HP: variants seen among roughly 807,000 people sequenced by gnomAD.
The protein encoded by HP is haptoglobin, also known as haptoglobin alpha(1S)-beta.
Under a neutral mutation model 23.2 loss-of-function variants are expected in HP, and 9 were observed. The ratio of observed to expected loss-of-function variants is 0.39; its 90% CI spans 0.23 to 0.68. The LOEUF (loss-of-function observed/expected upper bound fraction) is 0.68. HP is among the 30% of genes least tolerant of loss of function. HP has a pLI of 0.47. For missense variants in HP, 433 were observed against 483.6 expected, an observed-to-expected ratio of 0.90 and a Z score of 0.98; for synonymous variants, 155 against 183.3, an observed-to-expected ratio of 0.85 and a Z score of 1.25.
chr16:72,057,629 G>C, intron 4 of HP, 163 bp downstream of exon 4: 1 of 766,798 alleles, frequency 1.3e-6, no homozygotes, highest in Non-Finnish European at 2.0e-6. Flanking sequence ...GCAGTTAGGT[G>C]ATGACTCCCT....
chr16:72,054,815 T>C, intron 1 of HP, 158 bp downstream of exon 1: 1 of 785,766 alleles, frequency 1.3e-6, no homozygotes, highest in Non-Finnish European at 2.1e-6. Context: ...TCTCCTTTTC[T>C]GCATCCATAG....
At position 72,056,610 on chromosome 16, in the gene HP, A is replaced by C. The variant is rs2041467239; in HGVS notation, c.169A>C (p.Lys57Gln). Residue 57 changes from lysine to glutamine, a missense_variant, in exon 3 of 7, where the codon AAA becomes CAA. Physicochemically the swap from Lys to Gln is moderately conservative, Grantham distance 53. Around this residue, in one of 3 missense-constraint regions of HP, gnomAD observed 36 missense variants for 71.3 expected, o/e 0.50. Coordinates refer to ENST00000355906, the MANE Select transcript of HP (RefSeq NM_005143.5). Reference sequence around the variant, plus strand: ...TCGCTACCAGTGTAAGAACTACTACAAACTGCGCACAGAAGGAGATGGTAA... The same window carrying C: ...TCGCTACCAGTGTAAGAACTACTACCAACTGCGCACAGAAGGAGATGGTAA... Reference protein sequence around the residue: ...SVRYQCKNYYKLRTEGDGVYT... With the variant: ...SVRYQCKNYYQLRTEGDGVYT... 1 of 1,250,382 alleles carries C rather than the reference A, an allele frequency of 8.0e-7. No individual in the cohort carries two copies. Among genetic ancestry groups the C allele is most frequent in the African/African-American group, 1.7e-5 (1 of 57,180 alleles). 77.5% of individuals were successfully genotyped at this position (1,250,382 alleles called of 1,614,324 possible). A position where few individuals can be genotyped will look rare whatever the true frequency, so the allele number is the denominator to read the frequency against.
In HP at chr16:72,054,542, G is replaced by T. The variant is rs2041427765; in HGVS notation, c.-111G>T. The stretch of plus-strand genomic sequence containing the variant: ...AGTGACCTTACCAGGGCCAAAGTTT[G>T]TAGACACAGGAATTACGAAATGGAG... On this transcript the variant is annotated 5_prime_UTR_variant, in exon 1 of 7. Transcript: ENST00000355906. 6.3e-7 allele frequency: 1 copy of T among 1,575,646 alleles called. No homozygotes were observed. The highest frequency in any genetic ancestry group is 1.9e-5 in the Admixed American group (1 of 53,992).
Position 72,060,708 on chromosome 16 carries a change from C to T in HP, c.1039C>T (p.Gln347Ter). 1 of 1,614,142 alleles carries T rather than the reference C, an allele frequency of 6.2e-7. No individual in the cohort carries two copies. Among genetic ancestry groups the T allele is most frequent in the South Asian group, 1.1e-5 (1 of 91,078 alleles). The change falls in exon 7 of 7, where the codon CAA becomes TAA. Residue 347 changes from glutamine to a stop codon, truncating the protein, a stop_gained. Coordinates refer to ENST00000355906, the MANE Select transcript of HP (RefSeq NM_005143.5). LOFTEE classifies it high-confidence loss of function. ...HTFCAGMSKY[Q>*]EDTCYGDAGS... ...CTTCTGTGCTGGCATGTCTAAGTAC[C>T]AAGAAGACACCTGCTATGGCGATGC...
rs2041484586 is a variant in HP at position 72,058,078 on chromosome 16, G to C, written c.266-176G>C. ...CCCCTAGCCCTTTCAATGAATTTCA[G>C]GGAATTGTGGAAATTCCTTTATTGG... On this transcript the variant is annotated intron_variant, in intron 4 of 6. Transcript: ENST00000355906. 2.4e-6 allele frequency: 2 copies of C among 830,964 alleles called. 1 individual carries two copies. The highest frequency in any genetic ancestry group is 3.6e-6 in the Non-Finnish European group (2 of 556,350). The allele number at this position is 830,964 out of a possible 1,614,324, so 51.5% of individuals were successfully genotyped here.
chr16:72,060,621 G>A lies in HP; in HGVS notation c.952G>A (p.Val318Ile). The A allele has an allele frequency of 6.2e-7, 1 of 1,614,188 alleles. No homozygotes were observed. Among genetic ancestry groups the A allele is most frequent in the Admixed American group, 1.7e-5 (1 of 60,032 alleles). Residue 318 changes from valine to isoleucine, a missense_variant, in exon 7 of 7, where the codon GTC (valine) becomes ATC (isoleucine). By Grantham distance (29) the Val-to-Ile change is conservative. Transcript: ENST00000355906. ...QCIRHYEGST[V>I]PEKKTPKSPV... ...CATAAGGCATTATGAAGGCAGCACA[G>A]TCCCCGAAAAGAAGACACCGAAGAG...
rs1255427885 is a variant in HP at position 72,060,428 on chromosome 16, A to T, written c.759A>T (p.Lys253Asn). Residue 253 changes from lysine (K) to asparagine (N), a missense_variant, in exon 7 of 7, where the codon AAA becomes AAT. This residue lies in a region of HP where 326 missense variants were observed against 358.1 expected (regional missense o/e 0.91). Transcript: ENST00000355906. ...SQVDIGLIKL[K>N]QKVSVNERVM... ...TAGATATTGGGCTCATCAAACTCAAACAGAAGGTGTCTGTTAATGAGAGAG... is the reference window on the plus strand; with the variant it reads ...TAGATATTGGGCTCATCAAACTCAATCAGAAGGTGTCTGTTAATGAGAGAG... The T allele has an allele frequency of 6.2e-7, 1 of 1,614,054 alleles. No homozygotes were observed. Among genetic ancestry groups the T allele is most frequent in the African/African-American group, 1.3e-5 (1 of 74,928 alleles).
Position 72,059,357 on chromosome 16 carries a change from G to C in HP, c.442+169G>C, listed in dbSNP as rs2041503952. The C allele has an allele frequency of 4.4e-6, 4 of 908,972 alleles. No individual in the cohort carries two copies. The African/African-American group carries it at 7.0e-5, about 16-fold the overall frequency. 56.3% of individuals were successfully genotyped at this position (908,972 alleles called of 1,614,324 possible). On this transcript the variant is annotated intron_variant, in intron 6 of 6. Coordinates refer to ENST00000355906, the MANE Select transcript of HP (RefSeq NM_005143.5). ...AAGCAGTTAGGTGATGACTCCCTAA[G>C]GGTCACCAAGGGTCTTGTTCATTAG...
intron 1 of HP, 39 bp downstream of exon 1, chr16:72,054,696 C>T (rs1237733485): frequency 6.2e-7 from 1 of 1,611,908 alleles, no homozygotes; most frequent in African/African-American, 1.3e-5. Flanking sequence ...TCCTCTGGTT[C>T]TTTATTTCAG....
intron 4 of HP, chr16:72,057,708 C>G: frequency 2.0e-6 from 1 of 498,496 alleles, no homozygotes; most frequent in Non-Finnish European, 3.5e-6. Context: ...CGGCACTGCC[C>G]ACAGATCAGG....
chr16:72,055,980 G>A, intron 1 of HP, 181 bp from the exon 2 acceptor site: 1 of 1,108,126 alleles, frequency 9.0e-7, no homozygotes, highest in South Asian at 1.3e-5. Flanking sequence ...GCAGGTGTGG[G>A]GGCAATTTCT....
rs910782845 is a variant in HP, at chr16:72,056,145, T to C, written c.6-16T>C. ...GGGAGACTAGCTTTCCACTCCTCCT[T>C]GTCTTCTCTCTGCAGTGCCCTGGGA... On this transcript the variant is annotated splice_polypyrimidine_tract_variant and intron_variant, in intron 1 of 6. Transcript: ENST00000355906. The C allele has an allele frequency of 6.2e-7, 1 of 1,612,012 alleles. No homozygotes were observed. Among genetic ancestry groups the C allele is most frequent in the Non-Finnish European group, 8.5e-7 (1 of 1,178,554 alleles).
Position 72,060,269 on chromosome 16 carries a change from G to C in HP, c.600G>C (p.Thr200=). 1 of 1,614,092 alleles carries C rather than the reference G, an allele frequency of 6.2e-7. No individual in the cohort carries two copies. The highest frequency in any genetic ancestry group is 1.1e-5 in the South Asian group (1 of 91,086). ...TCAATGAACAATGGCTGCTGACCAC[G>C]GCTAAAAATCTCTTCCTGAACCATT... ...TLINEQWLLT[T]AKNLFLNHSE... The change falls in exon 7 of 7, where the codon ACG becomes ACC. Residue 200 remains threonine (T), a synonymous_variant. Transcript: ENST00000355906.
intron 2 of HP, 112 bp downstream of exon 2, chr16:72,056,355 A>G: frequency 6.4e-7 from 1 of 1,558,054 alleles, no homozygotes; most frequent in Non-Finnish European, 8.8e-7. Flanking sequence ...GGCTTTCAGG[A>G]CCATAAAGAA....
chr16:72,058,779 A>G (rs1057152893), intron 5 of HP: 6 of 336,024 alleles, frequency 1.8e-5, no homozygotes, highest in Non-Finnish European at 2.7e-5. Context: ...CTTTGCTGAT[A>G]AGGAAACTGA....
chr16:72,057,654 G>A, intron 4 of HP, 188 bp downstream of exon 4: 2 of 773,674 alleles, frequency 2.6e-6, no homozygotes, highest in South Asian at 1.6e-5. Flanking sequence ...GTCACCAAGG[G>A]TCTTGTTCAT....
chr16:72,056,522 C>A lies in HP; in HGVS notation c.89-8C>A, dbSNP rs1567583485. 2 of 1,515,654 alleles carry A rather than the reference C, an allele frequency of 1.3e-6. No homozygotes were observed. The highest frequency in any genetic ancestry group is 1.8e-6 in the Non-Finnish European group (2 of 1,120,840). 93.9% of individuals were successfully genotyped at this position (1,515,654 alleles called of 1,614,324 possible). ...ATAGCAAACTCTCTGGCTTCTCTCT[C>A]TTTGCAGATGACGGCTGCCCGAAGC... On this transcript the variant is annotated splice_region_variant and splice_polypyrimidine_tract_variant and intron_variant, in intron 2 of 6. Transcript: ENST00000355906.
In HP at chr16:72,056,359, T is replaced by A. The variant is rs1405117386; in HGVS notation, c.88+116T>A. The A allele has an allele frequency of 4.5e-6, 7 of 1,559,980 alleles. No individual in the cohort carries two copies. In the South Asian group the frequency reaches 8.0e-5, roughly 18 times the overall value. On this transcript the variant is annotated intron_variant, in intron 2 of 6. Transcript: ENST00000355906. ...CTCGACCTCTGGGCTTTCAGGACCA[T>A]AAAGAACATTGGGGTTCCTGCCAGA...
intron 6 of HP, chr16:72,059,906 A>C: frequency 8.1e-7 from 1 of 1,241,976 alleles, no homozygotes; most frequent in Non-Finnish European, 1.1e-6. Context: ...AGTGGGAAAT[A>C]GAGCTTTTTG....
Sources: gnomAD v4.1 joint callset for allele counts on GRCh38, gnomAD v4.1.1 for gene constraint, gnomAD v4.1.1 regional missense constraint, MANE v1.5 for transcripts, NCBI Gene and HGNC (gene_info 2026-07-23, HGNC 2026-07-21) for gene names.